Variants in BCAS3 observed in about 807,000 individuals in gnomAD.
The protein encoded by BCAS3 is BCAS4/BCAS3 fusion.
Under a neutral mutation model 116.1 loss-of-function variants are expected in BCAS3, and 53 were observed. That is an observed-to-expected ratio of 0.46 (90% CI 0.37 to 0.57). The LOEUF (loss-of-function observed/expected upper bound fraction) is 0.57. BCAS3 is among the 20% of genes least tolerant of loss of function. The pLI is 0.00. For missense variants in BCAS3, 917 were observed against 1,165.4 expected (o/e 0.79, Z 3.10); for synonymous variants, 391 against 408.2 (o/e 0.96, Z 0.51).
chr17:60,692,591 C>T (rs2034995080), intron 4 of BCAS3, among the ~76,000 whole-genome samples: 3 of 149,346 alleles, frequency 2.0e-5, no homozygotes, highest in African/African-American at 7.7e-5. Context: ...AAACAGGACT[C>T]CTTGGCCAGG....
chr17:60,811,894 T>A (rs1225758675), intron 7 of BCAS3, among the ~76,000 whole-genome samples: 6 of 151,106 alleles, frequency 4.0e-5, no homozygotes, highest in Admixed American at 3.9e-4. Flanking sequence ...CCAAAAAAAA[T>A]ACAAAAAAAT....
chr17:60,921,688 C>T (rs1302646054), intron 12 of BCAS3, among the ~76,000 whole-genome samples: 6 of 148,836 alleles, frequency 4.0e-5, no homozygotes, highest in Non-Finnish European at 8.9e-5. Flanking sequence ...ACACTGCAGA[C>T]TACTAGAGTG....
At chr17:60,830,462 A>G (rs1397732202) in intron 7 of BCAS3, among the ~76,000 whole-genome samples, 3 of 152,226 alleles carry the variant, frequency 2.0e-5, no homozygotes, top group East Asian at 1.9e-4. Flanking sequence ...GAAGTCCTGA[A>G]TAGTTAACTT....
At chr17:61,167,047 G>A (rs1006483544) in intron 22 of BCAS3, among the ~76,000 whole-genome samples, 6 of 152,112 alleles carry the variant, frequency 3.9e-5, no homozygotes, top group Admixed American at 1.3e-4. Context: ...ACGCCCAGCC[G>A]AGCACTTCCT....
rs1294629615 is a variant in BCAS3, at chr17:60,820,163, C to T, written c.476+12087C>T. 3.9e-5 allele frequency among the ~76,000 whole-genome samples: 6 copies of T among 151,936 alleles called. No individual in the cohort carries two copies. The South Asian group carries it at 6.3e-4, about 16-fold the overall frequency. ...TTGGCTCACTGCAAGCTCTGCCTCCCGGGTTCATGCCATTCTGCCTCAGCC... is the reference window on the plus strand; with the variant it reads ...TTGGCTCACTGCAAGCTCTGCCTCCTGGGTTCATGCCATTCTGCCTCAGCC... On this transcript the variant is annotated intron_variant, in intron 7 of 23. Coordinates refer to ENST00000407086, the MANE Select transcript of BCAS3 (RefSeq NM_017679.5).
In BCAS3 at chr17:61,217,115, A is replaced by G. The variant is rs2081845045; in HGVS notation, c.2425+132551A>G. Among the ~76,000 whole-genome samples the G allele has an allele frequency of 6.6e-6, 1 of 151,638 alleles. No homozygotes were observed. The highest frequency in any genetic ancestry group is 6.6e-5 in the Admixed American group (1 of 15,234). ...GCTAACACGGTGAAACCCCGTCTCT[A>G]CTAAAAAAATACAAAAAATTAGCTG... On this transcript the variant is annotated intron_variant, in intron 22 of 23. Transcript: ENST00000407086. The surrounding 1 kb of genome is among the most constrained non-coding windows in gnomAD (Gnocchi z 5.2).
At chr17:61,386,675 C>T (rs563215509) in intron 23 of BCAS3, among the ~76,000 whole-genome samples, 34 of 152,306 alleles carry the variant, frequency 2.2e-4, no homozygotes, top group Admixed American at 9.8e-4. Context: ...CCCCCACTTC[C>T]GAAGCCAGAG....
intron 22 of BCAS3, among the ~76,000 whole-genome samples, chr17:61,110,289 C>T (rs551400576): frequency 2.1e-4 from 32 of 152,304 alleles, no homozygotes; most frequent in Admixed American, 6.5e-4. Context: ...CCAGCGTGAG[C>T]GACGCAGAAG....
In BCAS3 at chr17:61,279,030, A is replaced by G. The variant is rs7209432; in HGVS notation, c.2426-89297A>G. Among the ~76,000 whole-genome samples the G allele has an allele frequency of 0.12, 17,586 of 151,260 alleles. 1,281 individuals are homozygous for G. The highest frequency in any genetic ancestry group is 0.21 in the African/African-American group (8,699 of 41,174). ...CAGTGGCATGTCTGGGCTCACTGCA[A>G]CCTCCTCCCAGATTCAAGTGAGTCT... is the stretch of plus-strand genomic sequence containing the variant. On this transcript the variant is annotated intron_variant, in intron 22 of 23. Transcript: ENST00000407086. This position sits in a 1 kb window ranked among gnomAD's most constrained non-coding sequence, Gnocchi z 4.4.
At chr17:61,172,346 C>A (rs899132244) in intron 22 of BCAS3, among the ~76,000 whole-genome samples, 54 of 152,258 alleles carry the variant, frequency 3.5e-4, no homozygotes, top group African/African-American at 1.1e-3. Flanking sequence ...TATAATAATT[C>A]ATATTCTGGC....
rs1186613194 is a variant in BCAS3, at chr17:61,279,156, A to G, written c.2426-89171A>G. Among the ~76,000 whole-genome samples the G allele has an allele frequency of 1.3e-5, 2 of 151,648 alleles. No homozygotes were observed. The highest frequency in any genetic ancestry group is 4.9e-5 in the African/African-American group (2 of 41,046). On this transcript the variant is annotated intron_variant, in intron 22 of 23. Transcript: ENST00000407086. This position sits in a 1 kb window ranked among gnomAD's most constrained non-coding sequence, Gnocchi z 4.4. ...GAGACGGGGTTTTACTGTGTTGGCCAGGCTGGTCTTGAACTCCTGACCTCA... is the reference window on the plus strand; with the variant it reads ...GAGACGGGGTTTTACTGTGTTGGCCGGGCTGGTCTTGAACTCCTGACCTCA...
intron 22 of BCAS3, among the ~76,000 whole-genome samples, chr17:61,116,564 A>G (rs1056014430): frequency 6.6e-5 from 10 of 152,154 alleles, no homozygotes; most frequent in African/African-American, 2.2e-4. Context: ...GTATTTAACC[A>G]TGTTTTTGCT....
In BCAS3 at chr17:61,051,755, G is replaced by T. The variant is rs2068880955; in HGVS notation, c.2029+10863G>T. 6.6e-6 allele frequency among the ~76,000 whole-genome samples: 1 copy of T among 151,998 alleles called. No individual in the cohort carries two copies. The highest frequency in any genetic ancestry group is 6.6e-5 in the Admixed American group (1 of 15,256). On this transcript the variant is annotated intron_variant, in intron 19 of 23. Transcript: ENST00000407086. This position sits in a 1 kb window ranked among gnomAD's most constrained non-coding sequence, Gnocchi z 4.1. The stretch of plus-strand genomic sequence containing the variant: ...TGGGACTATAGGCTCGCACCATCAT[G>T]CCTGGCTAATTCAAAATAAAAACCT...
chr17:61,171,039 A>C lies in BCAS3; in HGVS notation c.2425+86475A>C, dbSNP rs1334532105. On this transcript the variant is annotated intron_variant, in intron 22 of 23. Transcript: ENST00000407086. The surrounding 1 kb of genome is among the most constrained non-coding windows in gnomAD (Gnocchi z 4.1). The stretch of plus-strand genomic sequence containing the variant: ...TCTCATAATTTGCAGGTAAAGTGAT[A>C]CAAGATTTTTGTGTCAAAAGTGGGG... Among the ~76,000 whole-genome samples the C allele has an allele frequency of 1.3e-5, 2 of 152,192 alleles. No homozygotes were observed. Among genetic ancestry groups the C allele is most frequent in the Non-Finnish European group, 2.9e-5 (2 of 68,028 alleles).
At chr17:60,914,481 A>C (rs1273134077) in intron 12 of BCAS3, among the ~76,000 whole-genome samples, 1 of 152,174 alleles carries the variant, frequency 6.6e-6, no homozygotes, top group African/African-American at 2.4e-5. Context: ...TAGGGTTATA[A>C]TATATGAAAG....
At chr17:61,049,281 A>G (rs1416072259) in intron 19 of BCAS3, among the ~76,000 whole-genome samples, 1 of 151,982 alleles carries the variant, frequency 6.6e-6, no homozygotes, top group African/African-American at 2.4e-5. Context: ...AGCCTGGGCA[A>G]CAGAGCAAGA....
At chr17:61,252,053 C>G (rs1011459172) in intron 22 of BCAS3, among the ~76,000 whole-genome samples, 2 of 152,210 alleles carry the variant, frequency 1.3e-5, no homozygotes, top group African/African-American at 4.8e-5. Context: ...AGTTTTATAA[C>G]ACGAAGTACT....
intron 6 of BCAS3, among the ~76,000 whole-genome samples, chr17:60,766,829 C>T (rs9897767): frequency 0.26 from 40,241 of 152,198 alleles, 11,216 homozygotes; most frequent in African/African-American, 0.71. Flanking sequence ...CAGGCGGGCC[C>T]TGTTGAGCTG....
In BCAS3 at chr17:60,967,949, T is replaced by TTTGTTGTTGTTGTTGTTG. The variant is rs58004084; in HGVS notation, c.1221+20609_1221+20626dup. ...AATTTCTGAATTGCTTTTCTGTGTGTTTGTTGTTGTTGTTGTTGTTGTTGT... is the reference window on the plus strand; with the variant it reads ...AATTTCTGAATTGCTTTTCTGTGTGTTTGTTGTTGTTGTTGTTGTTGTTGTTGTTGTTGTTGTTGTTGT... On this transcript the variant is annotated intron_variant, in intron 14 of 23. Transcript: ENST00000407086. The surrounding 1 kb of genome is among the most constrained non-coding windows in gnomAD (Gnocchi z 4.7). Among the ~76,000 whole-genome samples the TTTGTTGTTGTTGTTGTTG allele has an allele frequency of 2.5e-3, 373 of 151,360 alleles. 3 individuals carry two copies. The highest frequency in any genetic ancestry group is 8.6e-3 in the African/African-American group (353 of 41,030).
Sources: gnomAD v4.1 joint callset for allele counts (sites outside exome capture counted in the v4.1 genomes callset) on GRCh38, gnomAD v4.1.1 for gene constraint, Gnocchi (gnomAD v3.1) non-coding constraint, MANE v1.5 for transcripts, NCBI Gene and HGNC (gene_info 2026-07-23, HGNC 2026-07-21) for gene names.